The following PCDH15 variants were observed in gnomAD, a reference collection of about 807,000 sequenced individuals.
PCDH15 encodes the protein protocadherin related 15.
In PCDH15, 129 loss-of-function variants were observed where a neutral mutation model predicts 178.5. The observed-to-expected ratio is 0.72, with a 90% CI of 0.63 to 0.84. PCDH15 has a LOEUF of 0.84. Among genes scored for constraint, PCDH15 ranks in the 40% least tolerant of loss-of-function variants. The probability of loss-of-function intolerance (pLI) is 0.00; values close to 1 mark genes in which losing one functional copy is unlikely to be tolerated. For synonymous variants in PCDH15, 800 were observed against 732.0 expected, an observed-to-expected ratio of 1.09 and a Z score of -1.50; for missense variants, 2,230 against 2,099.9, an observed-to-expected ratio of 1.06 and a Z score of -1.21.
At chr10:55,394,473 C>T (rs1221233762) in intron 2 of PCDH15, among the ~76,000 whole-genome samples, 1 of 151,674 alleles carries the variant, frequency 6.6e-6, no homozygotes, top group Non-Finnish European at 1.5e-5. Flanking sequence ...AACAAACTAC[C>T]ACACCCTGGT....
intron 1 of PCDH15, among the ~76,000 whole-genome samples, chr10:55,209,004 A>G (rs1554841112): frequency 6.6e-6 from 1 of 152,132 alleles, no homozygotes; most frequent in Non-Finnish European, 1.5e-5. Flanking sequence ...GTCCATTTAT[A>G]ACACAAATAT....
At chr10:54,043,937 T>A (rs1402937931) in intron 18 of PCDH15, among the ~76,000 whole-genome samples, 1 of 152,166 alleles carries the variant, frequency 6.6e-6, no homozygotes, top group Non-Finnish European at 1.5e-5. Context: ...GTAAGCAAGA[T>A]GATAGATGTC....
At chr10:54,684,708 T>C (rs945643666) in intron 1 of PCDH15, among the ~76,000 whole-genome samples, 1 of 152,096 alleles carries the variant, frequency 6.6e-6, no homozygotes, top group Admixed American at 6.6e-5. Context: ...CATGTGTATA[T>C]TTAAATCAGA....
chr10:55,049,995 T>G (rs1182632260), intron 2 of PCDH15, among the ~76,000 whole-genome samples: 2 of 152,058 alleles, frequency 1.3e-5, no homozygotes, highest in African/African-American at 4.8e-5. Flanking sequence ...TTTGCAATTG[T>G]TGATCTATTT....
intron 5 of PCDH15, among the ~76,000 whole-genome samples, chr10:54,351,857 G>A (rs2134266308): frequency 6.6e-6 from 1 of 152,216 alleles, no homozygotes; most frequent in East Asian, 1.9e-4. Context: ...ATTTTCTACA[G>A]ACTGTCCATG....
At chr10:54,886,062 A>AGC (rs1564603155) in intron 3 of PCDH15, among the ~76,000 whole-genome samples, 1 of 151,584 alleles carries the variant, frequency 6.6e-6, no homozygotes, top group African/African-American at 2.4e-5. Flanking sequence ...ATTTAATAAG[A>AGC]AGCTATTTTC....
intron 8 of PCDH15, among the ~76,000 whole-genome samples, chr10:54,296,357 C>A (rs1159174646): frequency 1.3e-5 from 2 of 151,912 alleles, no homozygotes; most frequent in African/African-American, 4.8e-5. Flanking sequence ...AGGGTCCCAA[C>A]AACAAGTTGG....
rs1158139613 is a variant in PCDH15 at position 54,307,040 on chromosome 10, G to GTATA, written c.876+10227_876+10230dup. ...CATATATATATATATGTGTGTGTGT[G>GTATA]TATATATATATATATATATATATAT... is the stretch of plus-strand genomic sequence containing the variant. On this transcript the variant is annotated intron_variant, in intron 8 of 37. Transcript: ENST00000644397. 2.3e-3 allele frequency among the ~76,000 whole-genome samples: 68 copies of GTATA among 29,288 alleles called. 2 individuals carry two copies. The highest frequency in any genetic ancestry group is 4.8e-3 in the South Asian group (3 of 622). The allele number at this position is 29,288 out of a possible 152,430, so 19.2% of individuals were successfully genotyped here. A position where few individuals can be genotyped will look rare whatever the true frequency, so the allele number is the denominator to read the frequency against.
chr10:55,160,190 A>C (rs1164306899), intron 2 of PCDH15, among the ~76,000 whole-genome samples: 1 of 152,058 alleles, frequency 6.6e-6, no homozygotes, highest in Non-Finnish European at 1.5e-5. Flanking sequence ...GTAAAGAGGA[A>C]AGCTTTCGTA....
At chr10:55,045,632 A>G (rs370240515) in intron 2 of PCDH15, among the ~76,000 whole-genome samples, 2 of 152,116 alleles carry the variant, frequency 1.3e-5, no homozygotes, top group African/African-American at 4.8e-5. Context: ...GTTGGCCAAT[A>G]TAGTTTGACC....
At chr10:54,871,151 T>C (rs1482613476) in intron 3 of PCDH15, among the ~76,000 whole-genome samples, 2 of 152,170 alleles carry the variant, frequency 1.3e-5, no homozygotes, top group Non-Finnish European at 2.9e-5. Flanking sequence ...GATTCCTGAA[T>C]TAAATCTAAT....
intron 1 of PCDH15, among the ~76,000 whole-genome samples, chr10:54,685,894 C>T (rs1417717120): frequency 1.3e-5 from 2 of 151,958 alleles, no homozygotes; most frequent in Admixed American, 6.6e-5. Context: ...CATCATAAAT[C>T]CAAAAAATTG....
rs483352837 is a variant in PCDH15 at position 54,023,048 on chromosome 10, CACA to C, written c.2367_2369del (p.Val790del). 137 of 1,613,888 alleles carry C rather than the reference CACA, an allele frequency of 8.5e-5. No individual in the cohort carries two copies. Among genetic ancestry groups the C allele is most frequent in the Non-Finnish European group, 1.0e-4 (119 of 1,179,874 alleles). ...GAGGGTGTACTGCTCCATCTGTTGC[CACA>C]ACAACAAGTTCATAGTAGTCCCTGA... On this transcript the variant is annotated inframe_deletion, in exon 19 of 38. Transcript: ENST00000644397.
At chr10:55,125,931 T>C (rs1837888008) in intron 2 of PCDH15, among the ~76,000 whole-genome samples, 1 of 152,138 alleles carries the variant, frequency 6.6e-6, no homozygotes. Flanking sequence ...ACGGTGTTCT[T>C]TACCCTAATC....
intron 8 of PCDH15, among the ~76,000 whole-genome samples, chr10:54,252,675 A>C (rs1346505265): frequency 6.6e-6 from 1 of 152,166 alleles, no homozygotes; most frequent in Non-Finnish European, 1.5e-5. Flanking sequence ...TCTAAATATC[A>C]ACGTTGTAAG....
At chr10:53,902,802 T>C (rs1056662175) in intron 26 of PCDH15, among the ~76,000 whole-genome samples, 1 of 152,112 alleles carries the variant, frequency 6.6e-6, no homozygotes, top group African/African-American at 2.4e-5. Flanking sequence ...ACTGGTAGTG[T>C]TATTTTTTTA....
At chr10:55,529,805 T>C (rs1007962507) in intron 2 of PCDH15, among the ~76,000 whole-genome samples, 3 of 141,962 alleles carry the variant, frequency 2.1e-5, no homozygotes, top group Non-Finnish European at 3.1e-5. Flanking sequence ...CATATATGTT[T>C]TTGACAGTCC....
At chr10:54,874,007 A>G (rs1954089574) in intron 3 of PCDH15, among the ~76,000 whole-genome samples, 1 of 141,638 alleles carries the variant, frequency 7.1e-6, no homozygotes, top group South Asian at 2.3e-4. Context: ...GTTTTAGGGT[A>G]CATGTGCACA....
intron 20 of PCDH15, among the ~76,000 whole-genome samples, chr10:54,009,483 A>C (rs550272093): frequency 6.6e-6 from 1 of 152,322 alleles, no homozygotes; most frequent in East Asian, 1.9e-4. Context: ...ATCCAGGTCA[A>C]GTGTAAAAAA....
Sources: gnomAD v4.1 joint callset for allele counts (sites outside exome capture counted in the v4.1 genomes callset) on GRCh38, gnomAD v4.1.1 for gene constraint, MANE v1.5 for transcripts, NCBI Gene and HGNC (gene_info 2026-07-23, HGNC 2026-07-21) for gene names.